Variants in GHR observed in about 807,000 individuals in gnomAD.
GHR encodes the protein growth hormone receptor, also known as GH receptor.
GHR carries 35 observed loss-of-function variants against 67.1 expected under a neutral mutation model. The ratio of observed to expected loss-of-function variants is 0.52; its 90% CI spans 0.40 to 0.69. GHR has a LOEUF of 0.69. Ranked by LOEUF, GHR falls within the 30% of genes least tolerant of loss-of-function variation. The pLI, the probability that GHR is intolerant of heterozygous loss-of-function variation, is 0.00. For synonymous variants in GHR, 272 were observed against 269.1 expected (o/e 1.01, Z -0.10); for missense variants, 792 against 764.6 (o/e 1.04, Z -0.42).
chr5:42,681,165 T>G (rs1323226464), intron 3 of GHR, among the ~76,000 whole-genome samples: 1 of 150,622 alleles, frequency 6.6e-6, no homozygotes, highest in Non-Finnish European at 1.5e-5. Context: ...ACCAGCAGAG[T>G]GAACAGGCAA....
At chr5:42,695,171 G>T in intron 5 of GHR, 82 bp downstream of exon 5, 3 of 927,194 alleles carry the variant, frequency 3.2e-6, no homozygotes, top group Non-Finnish European at 5.3e-6. Context: ...GTATAATCAA[G>T]TAGGAAGACT....
chr5:42,589,324 G>A (rs570135059), intron 2 of GHR, among the ~76,000 whole-genome samples: 1 of 152,162 alleles, frequency 6.6e-6, no homozygotes, highest in East Asian at 1.9e-4. Flanking sequence ...TGAACTTATC[G>A]TTAGCTTTGA....
chr5:42,655,496 G>A (rs1755210018), intron 3 of GHR, among the ~76,000 whole-genome samples: 1 of 152,084 alleles, frequency 6.6e-6, no homozygotes, highest in Non-Finnish European at 1.5e-5. Context: ...TAAGCCTCTT[G>A]CCTCATTTTA....
chr5:42,502,085 G>C (rs1311141687), intron 1 of GHR, among the ~76,000 whole-genome samples: 1 of 152,112 alleles, frequency 6.6e-6, no homozygotes, highest in Non-Finnish European at 1.5e-5. Flanking sequence ...CCGTGGGTGG[G>C]AGTTAGGGAT....
At chr5:42,506,205 C>G (rs925961338) in intron 1 of GHR, among the ~76,000 whole-genome samples, 2 of 152,140 alleles carry the variant, frequency 1.3e-5, no homozygotes, top group African/African-American at 4.8e-5. Context: ...TTTCTGAAAT[C>G]AGAATGTATT....
At chr5:42,615,560 A>T (rs1753100382) in intron 2 of GHR, among the ~76,000 whole-genome samples, 1 of 152,074 alleles carries the variant, frequency 6.6e-6, no homozygotes, top group South Asian at 2.1e-4. Context: ...AATATTTTTC[A>T]TCATCAAGAA....
rs1370940974 is a variant in GHR, at chr5:42,424,121, C to G, written c.-12+166C>G. On this transcript the variant is annotated intron_variant, in intron 1 of 9. Coordinates refer to ENST00000230882, the MANE Select transcript of GHR (RefSeq NM_000163.5). The surrounding 1 kb of genome is among the most constrained non-coding windows in gnomAD (Gnocchi z 4.1). Reference sequence around the variant, plus strand: ...CGGATGACTTGGCTGTGCTCCCCTCCTCCTTGCGAAGAAGTTGTTTTCTGC... The same window carrying G: ...CGGATGACTTGGCTGTGCTCCCCTCGTCCTTGCGAAGAAGTTGTTTTCTGC... Among the ~76,000 whole-genome samples the G allele has an allele frequency of 6.6e-6, 1 of 151,280 alleles. No homozygotes were observed. Among genetic ancestry groups the G allele is most frequent in the Non-Finnish European group, 1.5e-5 (1 of 67,956 alleles).
chr5:42,517,068 A>T (rs1747270529), intron 1 of GHR, among the ~76,000 whole-genome samples: 1 of 152,236 alleles, frequency 6.6e-6, no homozygotes, highest in African/African-American at 2.4e-5. Flanking sequence ...GGCATGTAAC[A>T]GCTGAAGCTA....
chr5:42,632,783 A>C (rs1351576269), intron 3 of GHR, among the ~76,000 whole-genome samples: 1 of 152,258 alleles, frequency 6.6e-6, no homozygotes, highest in Non-Finnish European at 1.5e-5. Flanking sequence ...TAGGATAAGA[A>C]GAATGTTAAG....
chr5:42,553,243 G>C (rs929893273), intron 1 of GHR, among the ~76,000 whole-genome samples: 2 of 152,214 alleles, frequency 1.3e-5, no homozygotes, highest in African/African-American at 4.8e-5. Context: ...TTGCAAGGCA[G>C]AAATCAGTGT....
chr5:42,696,363 G>A (rs142425911), intron 5 of GHR, among the ~76,000 whole-genome samples: 628 of 152,346 alleles, frequency 4.1e-3, no homozygotes, highest in Middle Eastern at 6.8e-3. Context: ...GGCCAAAGGC[G>A]TGAATGACTG....
At chr5:42,575,929 G>A (rs1750639714) in intron 2 of GHR, among the ~76,000 whole-genome samples, 1 of 151,474 alleles carries the variant, frequency 6.6e-6, no homozygotes, top group African/African-American at 2.4e-5. Flanking sequence ...AGCTGCTCGG[G>A]AGGCTGAGGC....
At chr5:42,609,477 A>C (rs1431689130) in intron 2 of GHR, among the ~76,000 whole-genome samples, 1 of 152,170 alleles carries the variant, frequency 6.6e-6, no homozygotes, top group African/African-American at 2.4e-5. Context: ...TTTTCTACTC[A>C]AATTCAGTTT....
intron 1 of GHR, chr5:42,468,562 C>T: frequency 1.1e-6 from 1 of 901,592 alleles, no homozygotes; most frequent in South Asian, 1.6e-5. Flanking sequence ...TTCCTTCTTT[C>T]TTAAGCACCA....
chr5:42,502,732 G>T (rs1441543560), intron 1 of GHR, among the ~76,000 whole-genome samples: 1 of 150,996 alleles, frequency 6.6e-6, no homozygotes, highest in Non-Finnish European at 1.5e-5. Context: ...ACTAATTGGA[G>T]AAAACCACTA....
intron 5 of GHR, among the ~76,000 whole-genome samples, chr5:42,696,405 G>T (rs77031398): frequency 0.018 from 2,712 of 152,316 alleles, 141 homozygotes; most frequent in South Asian, 0.17. Context: ...GGGCTGCACA[G>T]AGATGGTGAC....
At chr5:42,543,995 A>G (rs1748628514) in intron 1 of GHR, among the ~76,000 whole-genome samples, 1 of 152,108 alleles carries the variant, frequency 6.6e-6, no homozygotes, top group East Asian at 1.9e-4. Flanking sequence ...CACGTTGACC[A>G]GCTATTCTGG....
Position 42,711,266 on chromosome 5 carries a change from T to C in GHR, c.678T>C (p.Tyr226=). 1 of 1,612,686 alleles carries C rather than the reference T, an allele frequency of 6.2e-7. No individual in the cohort carries two copies. Among genetic ancestry groups the C allele is most frequent in the Non-Finnish European group, 8.5e-7 (1 of 1,178,714 alleles). ...ACTCATTGAAAGTGGATAAGGAATATGAAGTGCGTGTGAGATCCAAACAAC... is the reference window on the plus strand; with the variant it reads ...ACTCATTGAAAGTGGATAAGGAATACGAAGTGCGTGTGAGATCCAAACAAC... ...PVYSLKVDKE[Y]EVRVRSKQRN... is the part of the protein sequence containing the mutation. Residue 226 remains tyrosine (Y), a synonymous_variant, in exon 7 of 10, where the codon TAT becomes TAC. Coordinates refer to ENST00000230882, the MANE Select transcript of GHR (RefSeq NM_000163.5).
chr5:42,709,965 C>A (rs74911537), intron 6 of GHR, among the ~76,000 whole-genome samples: 1 of 151,444 alleles, frequency 6.6e-6, no homozygotes, highest in African/African-American at 2.4e-5. Context: ...CTTTTTTGAT[C>A]CTATTAGTGA....
Sources: allele counts gnomAD v4.1 joint callset (sites outside exome capture counted in the v4.1 genomes callset), GRCh38; gene constraint gnomAD v4.1.1; non-coding constraint Gnocchi (gnomAD v3.1); transcripts MANE v1.5; gene names NCBI Gene and HGNC (gene_info 2026-07-23, HGNC 2026-07-21).